The following UNC13C variants were observed in gnomAD, a reference collection of about 807,000 sequenced individuals.
UNC13C encodes the protein unc-13 homolog C.
A neutral mutation model predicts 245.4 loss-of-function variants in UNC13C; 174 were observed. The ratio of observed to expected loss-of-function variants is 0.71; its 90% CI spans 0.63 to 0.80. UNC13C has a LOEUF of 0.80. UNC13C is among the 30% of genes least tolerant of loss of function. The probability of loss-of-function intolerance (pLI) is 0.00; values close to 1 mark genes in which losing one functional copy is unlikely to be tolerated. For missense variants in UNC13C, 2,829 were observed against 2,602.9 expected, an observed-to-expected ratio of 1.09 and a Z score of -1.89; for synonymous variants, 992 against 895.1, an observed-to-expected ratio of 1.11 and a Z score of -1.93.
chr15:54,042,928 G>A (rs889354404), intron 2 of UNC13C, among the ~76,000 whole-genome samples: 4 of 152,012 alleles, frequency 2.6e-5, no homozygotes, highest in Non-Finnish European at 4.4e-5. Flanking sequence ...TCAATGTTAC[G>A]AAAGTACGAC....
intron 4 of UNC13C, among the ~76,000 whole-genome samples, chr15:54,151,532 A>G (rs2032516395): frequency 6.6e-6 from 1 of 152,140 alleles, no homozygotes. Context: ...CCTCCCGAGT[A>G]GATGGGATTA....
intron 2 of UNC13C, among the ~76,000 whole-genome samples, chr15:54,129,802 C>T (rs1209880808): frequency 1.3e-5 from 2 of 151,014 alleles, no homozygotes; most frequent in Admixed American, 6.6e-5. Context: ...TTTCTTAGTG[C>T]TGCTTAAGAT....
chr15:54,625,653 G>C (rs1901088597), intron 32 of UNC13C, among the ~76,000 whole-genome samples: 1 of 152,076 alleles, frequency 6.6e-6, no homozygotes, highest in South Asian at 2.1e-4. Flanking sequence ...TTTTGTTCAT[G>C]ATTTCCTATA....
At chr15:53,928,055 A>T in the UNC13C span, among the ~76,000 whole-genome samples, 1 of 152,296 alleles carries the variant, frequency 6.6e-6, no homozygotes, top group African/African-American at 2.4e-5. Context: ...TTCAGCACAG[A>T]GATTGCCGAG....
At chr15:54,240,508 C>G (rs2035823048) in intron 7 of UNC13C, among the ~76,000 whole-genome samples, 1 of 152,098 alleles carries the variant, frequency 6.6e-6, no homozygotes, top group Non-Finnish European at 1.5e-5. Context: ...AAGAAATGTA[C>G]ACTTTGAAGC....
At chr15:53,950,986 C>T in the UNC13C span, among the ~76,000 whole-genome samples, 1 of 152,194 alleles carries the variant, frequency 6.6e-6, no homozygotes, top group Non-Finnish European at 1.5e-5. Flanking sequence ...TAGTTATACT[C>T]TGCTCTGTGA....
intron 4 of UNC13C, among the ~76,000 whole-genome samples, chr15:54,226,238 A>C (rs747344980): frequency 2.0e-5 from 3 of 152,218 alleles, no homozygotes; most frequent in South Asian, 2.1e-4. Flanking sequence ...ATCAACGCTC[A>C]TCAGAGATAT....
chr15:53,924,823 A>G, the UNC13C span, among the ~76,000 whole-genome samples: 1 of 152,246 alleles, frequency 6.6e-6, no homozygotes, highest in African/African-American at 2.4e-5. Flanking sequence ...TATCACAATC[A>G]AAATTTACTT....
chr15:54,456,636 A>ATT (rs1891548597), intron 19 of UNC13C, among the ~76,000 whole-genome samples: 1 of 132,512 alleles, frequency 7.5e-6, no homozygotes, highest in Non-Finnish European at 1.7e-5. Flanking sequence ...ATTTATTTAT[A>ATT]GTTGTTGCAA....
At chr15:53,857,526 A>G in the UNC13C span, among the ~76,000 whole-genome samples, 1 of 152,182 alleles carries the variant, frequency 6.6e-6, no homozygotes, top group East Asian at 1.9e-4. Context: ...GTCTTAAGAA[A>G]GACATTACAT....
At chr15:54,269,651 A>T (rs74013586) in intron 10 of UNC13C, among the ~76,000 whole-genome samples, 3,828 of 152,252 alleles carry the variant, frequency 0.025, 159 homozygotes, top group African/African-American at 0.088. Flanking sequence ...GACCAGGGCT[A>T]GTGCTTGTTC....
At chr15:54,593,654 A>C (rs1434134480) in intron 30 of UNC13C, among the ~76,000 whole-genome samples, 1 of 152,076 alleles carries the variant, frequency 6.6e-6, no homozygotes, top group Non-Finnish European at 1.5e-5. Context: ...CATGCTTCTA[A>C]AAGTGTGTCT....
At chr15:54,308,781 T>C (rs1372213129) in intron 13 of UNC13C, among the ~76,000 whole-genome samples, 1 of 151,800 alleles carries the variant, frequency 6.6e-6, no homozygotes, top group East Asian at 1.9e-4. Context: ...TGTGCCTGGC[T>C]TATTTCATTT....
At chr15:53,933,002 G>A in the UNC13C span, among the ~76,000 whole-genome samples, 46 of 152,240 alleles carry the variant, frequency 3.0e-4, no homozygotes, top group African/African-American at 1.1e-3. Context: ...CAGGAATACA[G>A]GATTCATTTA....
At chr15:54,391,278 G>T (rs1328210357) in intron 17 of UNC13C, among the ~76,000 whole-genome samples, 1 of 152,016 alleles carries the variant, frequency 6.6e-6, no homozygotes. Context: ...CCCCACTGTG[G>T]CTATTAGAAG....
chr15:54,559,667 T>A (rs1364842666), intron 29 of UNC13C, among the ~76,000 whole-genome samples: 1 of 151,918 alleles, frequency 6.6e-6, no homozygotes, highest in Non-Finnish European at 1.5e-5. Context: ...GAATTTTCTC[T>A]GAATTTCCAG....
chr15:54,608,740 T>A (rs1229256108), intron 30 of UNC13C, among the ~76,000 whole-genome samples: 1 of 152,244 alleles, frequency 6.6e-6, no homozygotes, highest in Non-Finnish European at 1.5e-5. Flanking sequence ...TTATACCCTC[T>A]GTTTATTGTA....
intron 4 of UNC13C, among the ~76,000 whole-genome samples, chr15:54,162,781 A>AT (rs1042545271): frequency 2.0e-5 from 3 of 152,146 alleles, no homozygotes; most frequent in South Asian, 2.1e-4. Flanking sequence ...ACAGAAATGT[A>AT]TTTTTTTAAA....
At chr15:54,452,322 A>G (rs940971482) in intron 19 of UNC13C, among the ~76,000 whole-genome samples, 3 of 152,098 alleles carry the variant, frequency 2.0e-5, no homozygotes, top group Non-Finnish European at 4.4e-5. Flanking sequence ...GGCCCTGGAT[A>G]GTGCGTGGAT....
Sources: gnomAD v4.1 joint callset for allele counts (sites outside exome capture counted in the v4.1 genomes callset) on GRCh38, gnomAD v4.1.1 for gene constraint, MANE v1.5 for transcripts, NCBI Gene and HGNC (gene_info 2026-07-23, HGNC 2026-07-21) for gene names.